Variants in PRICKLE2 observed in about 807,000 individuals in gnomAD.
PRICKLE2 encodes the protein prickle planar cell polarity protein 2.
Under a neutral mutation model 81.4 loss-of-function variants are expected in PRICKLE2, and 21 were observed. The observed-to-expected ratio is 0.26, with a 90% CI of 0.18 to 0.37. PRICKLE2 has a LOEUF of 0.37. Among genes scored for constraint, PRICKLE2 ranks in the 10% least tolerant of loss-of-function variants. PRICKLE2 has a pLI of 1.00. For synonymous variants in PRICKLE2, 456 were observed against 421.5 expected (o/e 1.08, Z -1.00); for missense variants, 940 against 1,109.0 (o/e 0.85, Z 2.16).
rs183443156 is a variant in PRICKLE2, at chr3:64,131,671, G to C, written c.1660+15159C>G. 2.3e-3 allele frequency among the ~76,000 whole-genome samples: 353 copies of C among 152,232 alleles called. 4 individuals are homozygous for C. Among genetic ancestry groups the C allele is most frequent in the Non-Finnish European group, 4.0e-3 (271 of 68,006 alleles). ...ACCAAGAGAGAAATCAGCCCTGAAA[G>C]GAAAAATAAGCTATAGCAATAGAAA... is the stretch of plus-strand genomic sequence containing the variant. On this transcript the variant is annotated intron_variant, in intron 7 of 7. Transcript: ENST00000638394.
At chr3:64,215,397 C>T (rs569129323) in intron 1 of PRICKLE2, among the ~76,000 whole-genome samples, 1 of 152,284 alleles carries the variant, frequency 6.6e-6, no homozygotes, top group African/African-American at 2.4e-5. Flanking sequence ...GACATCTTTT[C>T]CTTAACATCA....
chr3:64,176,800 G>A (rs954643190), intron 2 of PRICKLE2, among the ~76,000 whole-genome samples: 3 of 152,176 alleles, frequency 2.0e-5, no homozygotes, highest in African/African-American at 7.2e-5. Context: ...CTTTCAGCCT[G>A]AGTAACTTGC....
chr3:64,113,192 T>A (rs186853687), intron 7 of PRICKLE2, among the ~76,000 whole-genome samples: 72 of 152,310 alleles, frequency 4.7e-4, no homozygotes, highest in African/African-American at 1.6e-3. Flanking sequence ...AGCTGATGTG[T>A]AGCCCAGAGG....
At chr3:64,109,166 C>T (rs761092012) in intron 7 of PRICKLE2, among the ~76,000 whole-genome samples, 2 of 152,074 alleles carry the variant, frequency 1.3e-5, no homozygotes, top group East Asian at 1.9e-4. Flanking sequence ...TGGGGGTTGC[C>T]GCTCCTTCTT....
chr3:64,263,158 C>T (rs2079642007), intron 2 of PRICKLE2, among the ~76,000 whole-genome samples: 1 of 152,168 alleles, frequency 6.6e-6, no homozygotes, highest in South Asian at 2.1e-4. Flanking sequence ...AGCAATTCAC[C>T]AAACAGGTAT....
chr3:64,152,543 G>A (rs2077564010), intron 6 of PRICKLE2, among the ~76,000 whole-genome samples: 2 of 151,284 alleles, frequency 1.3e-5, no homozygotes, highest in Non-Finnish European at 1.5e-5. Flanking sequence ...GGCTGGAGTA[G>A]CTTTTGCTAT....
chr3:64,159,833 T>TG, intron 4 of PRICKLE2, 107 bp downstream of exon 4: 1 of 1,420,554 alleles, frequency 7.0e-7, no homozygotes, highest in Non-Finnish European at 9.9e-7. Context: ...TGTTCACTAC[T>TG]GTATCTCAGG....
chr3:64,159,330 T>A (rs2077692332), intron 4 of PRICKLE2, among the ~76,000 whole-genome samples: 2 of 152,364 alleles, frequency 1.3e-5, no homozygotes, highest in South Asian at 4.1e-4. Flanking sequence ...TCTGGGATGA[T>A]CCTGGGAGGG....
rs137975846 is a variant in PRICKLE2 at position 64,099,356 on chromosome 3, G to T, written c.2230C>A (p.Leu744Met). 3.7e-6 allele frequency: 6 copies of T among 1,613,924 alleles called. No homozygotes were observed. In the African/African-American group the frequency reaches 5.3e-5, roughly 14 times the overall value. ...ESMGHGSRRD[L>M]YGQCPRTVSD... is the part of the protein sequence containing the mutation. ...ACAGTCCTAGGGCACTGGCCGTACAGGTCCCTCCGGGACCCATGCCCCATG... is the reference window on the plus strand; with the variant it reads ...ACAGTCCTAGGGCACTGGCCGTACATGTCCCTCCGGGACCCATGCCCCATG... The change falls in exon 8 of 8, where the codon CTG becomes ATG. Residue 744 changes from leucine (L) to methionine (M), a missense_variant. Coordinates refer to ENST00000638394, the MANE Select transcript of PRICKLE2 (RefSeq NM_198859.4). The surrounding 1 kb of genome is among the most constrained non-coding windows in gnomAD (Gnocchi z 4.3).
In PRICKLE2 at chr3:64,092,790, C is replaced by T. The variant is rs2076524490; in HGVS notation, c.*6261G>A. The stretch of plus-strand genomic sequence containing the variant: ...TTCAAGAATTCTCAAGGAACAAAGA[C>T]ACTAAGAAGGCAATGCATTGAAACC... On this transcript the variant is annotated 3_prime_UTR_variant, in exon 8 of 8. Transcript: ENST00000638394. The T allele has an allele frequency of 6.6e-6, 1 of 152,180 alleles. No homozygotes were observed. The highest frequency in any genetic ancestry group is 1.5e-5 in the Non-Finnish European group (1 of 68,028). The allele number at this position is 152,180 out of a possible 1,614,324, so 9.4% of individuals were successfully genotyped here.
In PRICKLE2 at chr3:64,094,902, C is replaced by T. The variant is rs573163477; in HGVS notation, c.*4149G>A. 6.5e-6 allele frequency: 1 copy of T among 152,742 alleles called. No individual in the cohort carries two copies. The highest frequency in any genetic ancestry group is 2.4e-5 in the African/African-American group (1 of 41,574). 9.5% of individuals were successfully genotyped at this position (152,742 alleles called of 1,614,324 possible). On this transcript the variant is annotated 3_prime_UTR_variant, in exon 8 of 8. Coordinates refer to ENST00000638394, the MANE Select transcript of PRICKLE2 (RefSeq NM_198859.4). ...GCTGTCTGCAGAGCCCATTTTAAAG[C>T]CCTGAAGGTGCAAAACAGTTGCTAA...
At chr3:64,172,827 G>T (rs754185301) in intron 2 of PRICKLE2, among the ~76,000 whole-genome samples, 1 of 152,190 alleles carries the variant, frequency 6.6e-6, no homozygotes, top group African/African-American at 2.4e-5. Context: ...TAAGACTGGT[G>T]TCCTTGTAAG....
In PRICKLE2 at chr3:64,157,241, T is replaced by A; in HGVS notation, c.521A>T (p.Tyr174Phe). The A allele has an allele frequency of 6.2e-7, 1 of 1,614,168 alleles. No homozygotes were observed. Among genetic ancestry groups the A allele is most frequent in the Non-Finnish European group, 8.5e-7 (1 of 1,180,034 alleles). Residue 174 changes from tyrosine (Y) to phenylalanine (F), a missense_variant, in exon 5 of 8, where the codon TAC becomes TTC. Physicochemically the swap from Tyr to Phe is conservative, Grantham distance 22. This residue lies in a region of PRICKLE2 where 270 missense variants were observed against 391.8 expected (regional missense o/e 0.69). Coordinates refer to ENST00000638394, the MANE Select transcript of PRICKLE2 (RefSeq NM_198859.4). Reference sequence around the variant, plus strand: ...GTATATCTTCCCATCTTGGTAAAAGTAGATCAGATCCACCAGGAGCTCATT... The same window carrying A: ...GTATATCTTCCCATCTTGGTAAAAGAAGATCAGATCCACCAGGAGCTCATT... Reference protein sequence around the residue: ...VCNELLVDLIYFYQDGKIYCG... With the variant: ...VCNELLVDLIFFYQDGKIYCG...
chr3:64,112,538 T>C (rs1291665538), intron 7 of PRICKLE2, among the ~76,000 whole-genome samples: 1 of 152,162 alleles, frequency 6.6e-6, no homozygotes, highest in Non-Finnish European at 1.5e-5. Flanking sequence ...GTATGAAGGA[T>C]AATAAAGGGT....
rs138143716 is a variant in PRICKLE2 at position 64,109,208 on chromosome 3, T to C, written c.1661-9283A>G. On this transcript the variant is annotated intron_variant, in intron 7 of 7. Coordinates refer to ENST00000638394, the MANE Select transcript of PRICKLE2 (RefSeq NM_198859.4). ...GAAGGATTATCAGGGCTCTGCCTGG[T>C]TGGGTGTGGTATGTCCCCAAAACTG... is the stretch of plus-strand genomic sequence containing the variant. 3.6e-3 allele frequency among the ~76,000 whole-genome samples: 543 copies of C among 152,198 alleles called. 6 individuals are homozygous for C. Among genetic ancestry groups the C allele is most frequent in the Middle Eastern group, 0.02 (6 of 294 alleles).
At chr3:64,198,003 A>G (rs1420949124) in intron 2 of PRICKLE2, among the ~76,000 whole-genome samples, 1 of 151,982 alleles carries the variant, frequency 6.6e-6, no homozygotes, top group Non-Finnish European at 1.5e-5. Flanking sequence ...CGAGGTCAGG[A>G]GATCGAGACC....
intron 1 of PRICKLE2, among the ~76,000 whole-genome samples, chr3:64,213,737 G>A (rs918413907): frequency 2.0e-5 from 3 of 150,448 alleles, no homozygotes; most frequent in African/African-American, 7.4e-5. Flanking sequence ...GCCAAGCTCT[G>A]TGTCAAACGC....
intron 7 of PRICKLE2, among the ~76,000 whole-genome samples, chr3:64,126,146 T>TG (rs1298018476): frequency 6.6e-6 from 1 of 152,116 alleles, no homozygotes; most frequent in Admixed American, 6.6e-5. Context: ...ATGAAAAACT[T>TG]GGGGGGCCTA....
At position 64,153,288 on chromosome 3, in the gene PRICKLE2, T is replaced by C; in HGVS notation, c.681A>G (p.Thr227=). ...TGATGTAGCGCTGGCCGCCCAGCAC[T>C]GTCTCACACTCGAAGCAGCAAAAGT... The part of the protein sequence containing the change: ...MKHFCCFECE[T]VLGGQRYIMK... Residue 227 remains threonine (T), a synonymous_variant, in exon 6 of 8, where the codon ACA becomes ACG. Coordinates refer to ENST00000638394, the MANE Select transcript of PRICKLE2 (RefSeq NM_198859.4). 6.2e-7 allele frequency: 1 copy of C among 1,614,220 alleles called. No homozygotes were observed.
Sources: allele counts gnomAD v4.1 joint callset (sites outside exome capture counted in the v4.1 genomes callset), GRCh38; gene constraint gnomAD v4.1.1; regional missense constraint gnomAD v4.1.1; non-coding constraint Gnocchi (gnomAD v3.1); transcripts MANE v1.5; gene names NCBI Gene and HGNC (gene_info 2026-07-23, HGNC 2026-07-21).